The following CRYM variants were observed in gnomAD, a reference collection of about 807,000 sequenced individuals.
CRYM encodes the protein ketimine reductase mu-crystallin.
A neutral mutation model predicts 32.9 loss-of-function variants in CRYM; 18 were observed. The ratio of observed to expected loss-of-function variants is 0.55; its 90% CI spans 0.38 to 0.81. The LOEUF (loss-of-function observed/expected upper bound fraction) is 0.81. Ranked by LOEUF, CRYM falls within the 30% of genes least tolerant of loss-of-function variation. The pLI is 0.00. For missense variants in CRYM, 337 were observed against 393.5 expected (o/e 0.86, Z 1.21); for synonymous variants, 153 against 152.4 (o/e 1.00, Z -0.03).
At chr16:21,278,013 C>G in intron 1 of CRYM, 69 bp downstream of exon 1, 1 of 1,484,652 alleles carries the variant, frequency 6.7e-7, no homozygotes, top group Non-Finnish European at 9.0e-7. Context: ...TCCCACCCCT[C>G]CTCTTCCTGC....
intron 1 of CRYM, chr16:21,301,231 T>C (rs1960917573): frequency 6.6e-6 from 1 of 152,470 alleles, no homozygotes; most frequent in South Asian, 2.1e-4. Context: ...AAGGTGACCA[T>C]GGCACACGAG....
chr16:21,260,515 G>T (rs777855709), intron 7 of CRYM, among the ~76,000 whole-genome samples: 1 of 152,162 alleles, frequency 6.6e-6, no homozygotes. Context: ...GGCCAGGCTG[G>T]TCTCAAACTC....
intron 3 of CRYM, among the ~76,000 whole-genome samples, chr16:21,270,465 A>G (rs1310403736): frequency 6.6e-6 from 1 of 151,692 alleles, no homozygotes; most frequent in Non-Finnish European, 1.5e-5. Context: ...TGTATTTTCG[A>G]TAGAGATGGG....
chr16:21,278,167 T>G lies in CRYM; in HGVS notation c.85A>C (p.Thr29Pro). 6.4e-7 allele frequency: 1 copy of G among 1,555,310 alleles called. No homozygotes were observed. The highest frequency in any genetic ancestry group is 8.7e-7 in the Non-Finnish European group (1 of 1,149,964). Residue 29 changes from threonine (T) to proline (P), a missense_variant, in exon 1 of 8, where the codon ACG (threonine) becomes CCG (proline). Thr to Pro is a conservative substitution (Grantham distance 38). Coordinates refer to ENST00000572914, the MANE Select transcript of CRYM (RefSeq NM_001376256.1). The part of the protein sequence containing the change: ...SSSLLIPPLE[T>P]ALANFSSGPE... Reference sequence around the variant, plus strand: ...CCGCTGGAGAAGTTGGCCAGGGCCGTCTCTAGAGGCGGGATGAGGAGGCTG... The same window carrying G: ...CCGCTGGAGAAGTTGGCCAGGGCCGGCTCTAGAGGCGGGATGAGGAGGCTG...
chr16:21,285,905 A>G (rs2093406422), intron 1 of CRYM, among the ~76,000 whole-genome samples: 2 of 152,262 alleles, frequency 1.3e-5, no homozygotes, highest in Admixed American at 1.3e-4. Context: ...GTTATTAAAA[A>G]TCATCTTTGT....
At chr16:21,286,482 C>G (rs561517590) in intron 1 of CRYM, among the ~76,000 whole-genome samples, 26 of 151,944 alleles carry the variant, frequency 1.7e-4, no homozygotes, top group African/African-American at 6.3e-4. Context: ...CCGCCTCGGC[C>G]TCCCAAATTG....
At chr16:21,302,162 C>G (rs1333072796) in intron 1 of CRYM, among the ~76,000 whole-genome samples, 3 of 152,222 alleles carry the variant, frequency 2.0e-5, no homozygotes, top group Middle Eastern at 3.2e-3. Flanking sequence ...TGCTTGAACG[C>G]ACTGACTTTG....
At chr16:21,290,878 A>G (rs1260520881) in intron 1 of CRYM, among the ~76,000 whole-genome samples, 2 of 152,194 alleles carry the variant, frequency 1.3e-5, no homozygotes, top group Admixed American at 6.5e-5. Context: ...CATTGGTTAT[A>G]TAAAATAAAC....
At chr16:21,269,592 G>C (rs1311030702) in intron 4 of CRYM, among the ~76,000 whole-genome samples, 198 bp downstream of exon 4, 1 of 152,210 alleles carries the variant, frequency 6.6e-6, no homozygotes, top group African/African-American at 2.4e-5. Context: ...ACTGGAAACA[G>C]GTAATCAGAT....
intron 1 of CRYM, chr16:21,301,031 G>C (rs1004128096): frequency 1.3e-5 from 2 of 152,432 alleles, no homozygotes; most frequent in Admixed American, 6.5e-5. Flanking sequence ...GCGCTGGCTG[G>C]AAAAAGGAAC....
At chr16:21,280,219 A>C (rs897619915), upstream of CRYM, among the ~76,000 whole-genome samples, 7 of 152,132 alleles carry the variant, frequency 4.6e-5, no homozygotes, top group African/African-American at 9.7e-5. Context: ...CTCTCTACTA[A>C]AAATACAAAA....
At chr16:21,290,148 C>T (rs1479623562) in intron 1 of CRYM, among the ~76,000 whole-genome samples, 2 of 152,154 alleles carry the variant, frequency 1.3e-5, no homozygotes, top group Non-Finnish European at 2.9e-5. Context: ...CCAGCAGTGG[C>T]AATGTCGGAT....
chr16:21,275,369 T>C (rs1390039984), intron 3 of CRYM, among the ~76,000 whole-genome samples, 163 bp downstream of exon 3: 1 of 152,236 alleles, frequency 6.6e-6, no homozygotes, highest in African/African-American at 2.4e-5. Context: ...AATTGGTAGC[T>C]AATAATTTCG....
intron 1 of CRYM, chr16:21,300,934 G>C (rs1960902652): frequency 6.6e-6 from 1 of 152,508 alleles, no homozygotes; most frequent in Non-Finnish European, 1.5e-5. Flanking sequence ...AAACGCCGGA[G>C]TGGCTGGCGG....
At position 21,277,534 on chromosome 16, in the gene CRYM, G is replaced by C. The variant is rs1279910581; in HGVS notation, c.221C>G (p.Thr74Ser). The C allele has an allele frequency of 6.2e-7, 1 of 1,613,978 alleles. No homozygotes were observed. Among genetic ancestry groups the C allele is most frequent in the Admixed American group, 1.7e-5 (1 of 60,022 alleles). The change falls in exon 2 of 8, where the codon ACC becomes AGC. Residue 74 changes from threonine (T) to serine (S), a missense_variant. By Grantham distance (58) the Thr-to-Ser change is moderately conservative. Coordinates refer to ENST00000572914, the MANE Select transcript of CRYM (RefSeq NM_001376256.1). The surrounding 1 kb of genome is among the most constrained non-coding windows in gnomAD (Gnocchi z 4.2). Reference sequence around the variant, plus strand: ...GTCCTCGTAGAAGGTGACCAACTTGGTGGTCAGTGCATCCTCTGCAGCACT... The same window carrying C: ...GTCCTCGTAGAAGGTGACCAACTTGCTGGTCAGTGCATCCTCTGCAGCACT... ...AYSAAEDALT[T>S]KLVTFYEDRG...
At chr16:21,267,899 CA>C (rs1350953889) in intron 4 of CRYM, among the ~76,000 whole-genome samples, 162 bp from the exon 5 acceptor site, 1 of 152,212 alleles carries the variant, frequency 6.6e-6, no homozygotes, top group African/African-American at 2.4e-5. Flanking sequence ...GACATTTGAT[CA>C]GGGGTACAGC....
In CRYM at chr16:21,289,824, T is replaced by C. The variant is rs551371960; in HGVS notation, c.-192-10864A>G. Among the ~76,000 whole-genome samples, 33 of 151,566 alleles carry C rather than the reference T, an allele frequency of 2.2e-4. No homozygotes were observed. In the South Asian group the frequency reaches 6.8e-3, roughly 31 times the overall value. Reference sequence around the variant, plus strand: ...GATTGGCCCATTTACAGAGTGCCGATTGGTCCATTTTACAGAGTACTGATT... The same window carrying C: ...GATTGGCCCATTTACAGAGTGCCGACTGGTCCATTTTACAGAGTACTGATT... On this transcript the variant is annotated intron_variant, in intron 1 of 9. Coordinates refer to the CRYM transcript ENST00000219599.
At chr16:21,278,446 C>T (rs2093392216), upstream of CRYM, 6 of 636,636 alleles carry the variant, frequency 9.4e-6, no homozygotes, top group Admixed American at 2.7e-5. Flanking sequence ...TAAGGGTGGG[C>T]GAGATGGGTC....
At chr16:21,292,739 G>GGATAGATA (rs60149589) in intron 1 of CRYM, among the ~76,000 whole-genome samples, 9 of 151,616 alleles carry the variant, frequency 5.9e-5, no homozygotes, top group African/African-American at 1.5e-4. Flanking sequence ...ATGGATGGAT[G>GGATAGATA]GATAGATAGA....
Sources: allele counts gnomAD v4.1 joint callset (sites outside exome capture counted in the v4.1 genomes callset), GRCh38; gene constraint gnomAD v4.1.1; non-coding constraint Gnocchi (gnomAD v3.1); transcripts MANE v1.5; gene names NCBI Gene and HGNC (gene_info 2026-07-23, HGNC 2026-07-21).